Variants in LRBA observed in about 807,000 individuals in gnomAD.
The protein encoded by LRBA is lipopolysaccharide-responsive and beige-like anchor protein.
A neutral mutation model predicts 330.0 loss-of-function variants in LRBA; 176 were observed. The ratio of observed to expected loss-of-function variants is 0.53; its 90% CI spans 0.47 to 0.60. The LOEUF is 0.60. Ranked by LOEUF, LRBA falls within the 20% of genes least tolerant of loss-of-function variation. The pLI is 0.00. For synonymous variants in LRBA, 1,230 were observed against 1,193.0 expected (o/e 1.03, Z -0.64); for missense variants, 3,259 against 3,444.8 (o/e 0.95, Z 1.35).
At chr4:150,990,888 G>A (rs555275470) in intron 2 of LRBA, among the ~76,000 whole-genome samples, 1 of 152,184 alleles carries the variant, frequency 6.6e-6, no homozygotes, top group African/African-American at 2.4e-5. Context: ...GCATGGTGGT[G>A]CACACCTGTA....
At chr4:150,376,787 TTTTG>T (rs1395018250) in intron 47 of LRBA, among the ~76,000 whole-genome samples, 1 of 152,076 alleles carries the variant, frequency 6.6e-6, no homozygotes, top group Non-Finnish European at 1.5e-5. Context: ...CCCCGGGTGT[TTTTG>T]TTTTGTTTTG....
intron 46 of LRBA, among the ~76,000 whole-genome samples, chr4:150,434,152 A>G (rs1047832298): frequency 4.6e-5 from 7 of 152,162 alleles, no homozygotes; most frequent in African/African-American, 1.4e-4. Context: ...CCCATATGGT[A>G]TAATTATTTA....
chr4:150,447,492 C>A (rs1251829687), intron 44 of LRBA, among the ~76,000 whole-genome samples: 1 of 152,140 alleles, frequency 6.6e-6, no homozygotes, highest in Non-Finnish European at 1.5e-5. Flanking sequence ...GGATTTACAC[C>A]ATCAGCTCCC....
intron 40 of LRBA, among the ~76,000 whole-genome samples, chr4:150,525,661 G>A (rs1361119274): frequency 2.0e-5 from 3 of 152,072 alleles, no homozygotes; most frequent in Admixed American, 6.6e-5. Flanking sequence ...ATCCAGGAAC[G>A]TAAGGATAGA....
intron 25 of LRBA, 21 bp from the exon 26 acceptor site, chr4:150,849,019 CATTT>C (rs1560909915): frequency 6.6e-7 from 1 of 1,514,624 alleles, no homozygotes; most frequent in East Asian, 2.3e-5. Flanking sequence ...TAAAGTTTGA[CATTT>C]ATATATATAT....
chr4:150,550,305 C>T (rs1425525852), intron 40 of LRBA, among the ~76,000 whole-genome samples: 1 of 151,970 alleles, frequency 6.6e-6, no homozygotes, highest in Non-Finnish European at 1.5e-5. Flanking sequence ...GCTAAAACAA[C>T]ACCCCAAAAC....
At chr4:150,968,149 C>A (rs1201964103) in intron 2 of LRBA, among the ~76,000 whole-genome samples, 2 of 151,988 alleles carry the variant, frequency 1.3e-5, no homozygotes, top group Non-Finnish European at 2.9e-5. Context: ...GGATTCCAGG[C>A]ATCTGCCACC....
intron 2 of LRBA, among the ~76,000 whole-genome samples, chr4:150,934,564 C>A (rs1561026542): frequency 6.6e-6 from 1 of 152,100 alleles, no homozygotes; most frequent in Non-Finnish European, 1.5e-5. Context: ...CTACAGAAAT[C>A]TTTTTTAATT....
chr4:150,690,465 T>C (rs373147526), intron 36 of LRBA, among the ~76,000 whole-genome samples: 3 of 147,690 alleles, frequency 2.0e-5, no homozygotes. Context: ...ATCACGCCAC[T>C]GCACTCCAGC....
chr4:150,538,329 A>T (rs1392510336), intron 40 of LRBA, among the ~76,000 whole-genome samples: 1 of 152,192 alleles, frequency 6.6e-6, no homozygotes, highest in Non-Finnish European at 1.5e-5. Flanking sequence ...AAAAAGACAC[A>T]TGCACTGGTA....
Position 150,557,491 on chromosome 4 carries a change from CTT to C in LRBA, c.6330+30555_6330+30556del, listed in dbSNP as rs752512634. ...AGATTTCATCAGTTTTTCTCTCAAG[CTT>C]TTTTTTTTTTTTCTTGTCCCAAGAT... is the stretch of plus-strand genomic sequence containing the variant. On this transcript the variant is annotated intron_variant, in intron 40 of 56. Coordinates refer to ENST00000651943, the MANE Select transcript of LRBA (RefSeq NM_001364905.1). Among the ~76,000 whole-genome samples, 7 of 143,974 alleles carry C rather than the reference CTT, an allele frequency of 4.9e-5. No homozygotes were observed. In the South Asian group the frequency reaches 6.7e-4, roughly 14 times the overall value. 94.5% of individuals were successfully genotyped at this position (143,974 alleles called of 152,430 possible). A position where few individuals can be genotyped will look rare whatever the true frequency, so the allele number is the denominator to read the frequency against.
chr4:150,362,214 A>G (rs2151845054), intron 47 of LRBA, among the ~76,000 whole-genome samples: 1 of 152,264 alleles, frequency 6.6e-6, no homozygotes, highest in South Asian at 2.1e-4. Flanking sequence ...CAGCCAATTC[A>G]GAAATGTGGC....
intron 33 of LRBA, among the ~76,000 whole-genome samples, chr4:150,805,589 AG>A (rs1560842822): frequency 2.1e-4 from 29 of 137,376 alleles, no homozygotes; most frequent in Non-Finnish European, 2.6e-4. Flanking sequence ...AGGAAAGGAA[AG>A]GAAAGGAAAG....
chr4:150,924,683 A>G (rs975926953), intron 4 of LRBA, among the ~76,000 whole-genome samples: 10 of 152,320 alleles, frequency 6.6e-5, no homozygotes, highest in South Asian at 2.1e-4. Flanking sequence ...CTGCACTGCT[A>G]TAACAGCAAA....
intron 40 of LRBA, among the ~76,000 whole-genome samples, chr4:150,571,075 T>A (rs191728068): frequency 7.9e-4 from 121 of 152,260 alleles, no homozygotes; most frequent in African/African-American, 2.8e-3. Context: ...ACACCAAATC[T>A]AAGTGCCTCT....
At chr4:150,705,766 T>C (rs187627077) in intron 36 of LRBA, among the ~76,000 whole-genome samples, 118 of 152,044 alleles carry the variant, frequency 7.8e-4, no homozygotes, top group African/African-American at 2.4e-3. Flanking sequence ...AAAAACTCCA[T>C]AAAAAGTACT....
intron 46 of LRBA, chr4:150,422,769 G>C (rs924871147): frequency 9.5e-6 from 13 of 1,367,166 alleles, no homozygotes; most frequent in Non-Finnish European, 1.3e-5. Context: ...GTGGCCAGCT[G>C]GGCACTGTTC....
Position 150,265,585 on chromosome 4 carries a change from T to C in LRBA, c.*137A>G. 1.6e-6 allele frequency: 1 copy of C among 609,568 alleles called. No homozygotes were observed. Among genetic ancestry groups the C allele is most frequent in the South Asian group, 2.1e-5 (1 of 46,530 alleles). 37.8% of individuals were successfully genotyped at this position (609,568 alleles called of 1,614,324 possible). A position where few individuals can be genotyped will look rare whatever the true frequency, so the allele number is the denominator to read the frequency against. ...AAAAGTCAAGCAAAGACTACAAAAA[T>C]AGCAATTATTAATAACTTTAAAAAA... is the stretch of plus-strand genomic sequence containing the variant. On this transcript the variant is annotated 3_prime_UTR_variant, in exon 57 of 57. Transcript: ENST00000651943.
intron 40 of LRBA, among the ~76,000 whole-genome samples, chr4:150,519,086 C>T (rs1278855488): frequency 2.0e-5 from 3 of 152,048 alleles, no homozygotes; most frequent in Non-Finnish European, 4.4e-5. Flanking sequence ...ATCAAAATAG[C>T]AATATTTAAA....
Sources: gnomAD v4.1 joint callset for allele counts (sites outside exome capture counted in the v4.1 genomes callset) on GRCh38, gnomAD v4.1.1 for gene constraint, MANE v1.5 for transcripts, NCBI Gene and HGNC (gene_info 2026-07-23, HGNC 2026-07-21) for gene names.